Variants in SCAPER observed in about 807,000 individuals in gnomAD.
SCAPER encodes the protein S-phase cyclin A associated protein in the ER.
In SCAPER, 98 loss-of-function variants were observed where a neutral mutation model predicts 182.2. That is an observed-to-expected ratio of 0.54 (90% CI 0.46 to 0.64). The LOEUF (loss-of-function observed/expected upper bound fraction) is 0.64, where lower values mean the gene tolerates loss of function less well. Among genes scored for constraint, SCAPER ranks in the 30% least tolerant of loss-of-function variants. SCAPER has a pLI of 0.00. For synonymous variants in SCAPER, 605 were observed against 564.6 expected, an observed-to-expected ratio of 1.07 and a Z score of -1.01; for missense variants, 1,432 against 1,690.0, an observed-to-expected ratio of 0.85 and a Z score of 2.68.
chr15:76,774,760 A>G, intron 9 of SCAPER, 95 bp downstream of exon 9: 1 of 1,340,992 alleles, frequency 7.5e-7, no homozygotes, highest in South Asian at 1.6e-5. Context: ...TTTCACAGTA[A>G]GTTAAAAAAT....
intron 20 of SCAPER, among the ~76,000 whole-genome samples, chr15:76,669,894 T>C (rs1272950231): frequency 6.6e-6 from 1 of 152,230 alleles, no homozygotes; most frequent in African/African-American, 2.4e-5. Context: ...CAATTTTCAG[T>C]TGTATATAAA....
At chr15:76,726,765 T>G (rs930024568) in intron 17 of SCAPER, among the ~76,000 whole-genome samples, 2 of 152,018 alleles carry the variant, frequency 1.3e-5, no homozygotes, top group African/African-American at 4.8e-5. Context: ...TCCACTTATA[T>G]AAGATCCCTA....
intron 27 of SCAPER, among the ~76,000 whole-genome samples, chr15:76,392,932 C>G (rs2043807107): frequency 6.6e-6 from 1 of 152,182 alleles, no homozygotes; most frequent in African/African-American, 2.4e-5. Context: ...TCCCTTGTCC[C>G]CTGTGAGAAT....
intron 2 of SCAPER, among the ~76,000 whole-genome samples, chr15:76,863,027 G>T (rs904508199): frequency 6.6e-6 from 1 of 152,034 alleles, no homozygotes; most frequent in Admixed American, 6.6e-5. Flanking sequence ...AATAATAATT[G>T]CTGTTAACAG....
At chr15:76,423,539 T>A (rs1478458792) in intron 26 of SCAPER, among the ~76,000 whole-genome samples, 3 of 152,236 alleles carry the variant, frequency 2.0e-5, no homozygotes, top group African/African-American at 7.2e-5. Context: ...GCTAGCAGTC[T>A]GTCAATTTTG....
chr15:76,510,622 T>C (rs1385820253), intron 23 of SCAPER, among the ~76,000 whole-genome samples: 1 of 152,230 alleles, frequency 6.6e-6, no homozygotes, highest in Non-Finnish European at 1.5e-5. Flanking sequence ...GGAACATTTC[T>C]ACATTGCTGG....
In SCAPER at chr15:76,797,748, C is replaced by A. The variant is rs765044409; in HGVS notation, c.612-2308G>T. 12 of 152,206 alleles carry A rather than the reference C, an allele frequency of 7.9e-5. No individual in the cohort carries two copies. In the South Asian group the frequency reaches 2.1e-3, roughly 26 times the overall value. 9.4% of individuals were successfully genotyped at this position (152,206 alleles called of 1,614,324 possible). On this transcript the variant is annotated intron_variant, in intron 7 of 31. Coordinates refer to ENST00000563290, the MANE Select transcript of SCAPER (RefSeq NM_020843.4). The stretch of plus-strand genomic sequence containing the variant: ...CTGTTGTATAGCTACATACAACATA[C>A]ATCAACATACACTCATGTTGTGTGT...
At chr15:76,595,722 C>G in intron 22 of SCAPER, among the ~76,000 whole-genome samples, 1 of 121,706 alleles carries the variant, frequency 8.2e-6, no homozygotes. Context: ...CTACTGGTTA[C>G]ATAACAAAAT....
intron 6 of SCAPER, among the ~76,000 whole-genome samples, 159 bp from the exon 7 acceptor site, chr15:76,800,523 T>C (rs1349543497): frequency 6.6e-6 from 1 of 152,196 alleles, no homozygotes; most frequent in African/African-American, 2.4e-5. Flanking sequence ...GAGCATTGCT[T>C]ACCAGAAAGT....
intron 22 of SCAPER, among the ~76,000 whole-genome samples, chr15:76,603,542 T>C (rs1471739078): frequency 9.0e-5 from 11 of 122,454 alleles, no homozygotes; most frequent in African/African-American, 2.8e-4. Context: ...TTTGGGTATG[T>C]ACCCAGTGAT....
chr15:76,765,862 C>T (rs558516261), intron 11 of SCAPER, among the ~76,000 whole-genome samples: 1 of 152,226 alleles, frequency 6.6e-6, no homozygotes, highest in Non-Finnish European at 1.5e-5. Flanking sequence ...ACAGCAGAGA[C>T]AAATGAAGTA....
At chr15:76,461,022 T>C (rs767024909) in intron 25 of SCAPER, among the ~76,000 whole-genome samples, 3 of 152,192 alleles carry the variant, frequency 2.0e-5, no homozygotes, top group Non-Finnish European at 4.4e-5. Flanking sequence ...CAAGATTCCA[T>C]AATGAATTGT....
At chr15:76,617,164 CAA>C (rs1056394413) in intron 22 of SCAPER, among the ~76,000 whole-genome samples, 1 of 152,082 alleles carries the variant, frequency 6.6e-6, no homozygotes, top group Non-Finnish European at 1.5e-5. Context: ...TTGATATAGT[CAA>C]AGTCATCCGT....
intron 26 of SCAPER, among the ~76,000 whole-genome samples, chr15:76,405,065 T>C (rs1420374851): frequency 1.3e-5 from 2 of 151,078 alleles, no homozygotes; most frequent in Non-Finnish European, 2.9e-5. Context: ...ATTTAGAAGA[T>C]ACAGTACAAT....
intron 27 of SCAPER, among the ~76,000 whole-genome samples, chr15:76,394,863 T>C (rs2043944174): frequency 6.6e-6 from 1 of 152,214 alleles, no homozygotes; most frequent in Non-Finnish European, 1.5e-5. Flanking sequence ...TTATATTCTT[T>C]TAGTTATTTT....
chr15:76,411,365 A>AT (rs2045276325), intron 26 of SCAPER, among the ~76,000 whole-genome samples: 1 of 152,132 alleles, frequency 6.6e-6, no homozygotes, highest in Admixed American at 6.5e-5. Flanking sequence ...AGCATTTCAG[A>AT]TTTTGGATTT....
chr15:76,370,949 C>A (rs946899899), intron 29 of SCAPER, among the ~76,000 whole-genome samples: 1 of 152,126 alleles, frequency 6.6e-6, no homozygotes, highest in Non-Finnish European at 1.5e-5. Context: ...TTGGTGAACC[C>A]GCATCATCTT....
At chr15:76,839,975 A>G (rs1208457983) in intron 5 of SCAPER, among the ~76,000 whole-genome samples, 1 of 152,216 alleles carries the variant, frequency 6.6e-6, no homozygotes, top group African/African-American at 2.4e-5. Flanking sequence ...GCTTTGATTA[A>G]TCTCTAGGGG....
At chr15:76,638,431 G>A (rs1205766067) in intron 21 of SCAPER, among the ~76,000 whole-genome samples, 1 of 152,080 alleles carries the variant, frequency 6.6e-6, no homozygotes, top group East Asian at 1.9e-4. Context: ...GACACATTCT[G>A]TCTTGTCTTA....
Sources: allele counts gnomAD v4.1 joint callset (sites outside exome capture counted in the v4.1 genomes callset), GRCh38; gene constraint gnomAD v4.1.1; transcripts MANE v1.5; gene names NCBI Gene and HGNC (gene_info 2026-07-23, HGNC 2026-07-21).